The following WDR87 variants were observed in gnomAD, a reference collection of about 807,000 sequenced individuals.
WDR87 encodes the protein WD repeat domain 87.
A neutral mutation model predicts 83.3 loss-of-function variants in WDR87; 56 were observed. That is an observed-to-expected ratio of 0.67 (90% CI 0.54 to 0.84). WDR87 has a LOEUF of 0.84. Ranked by LOEUF, WDR87 falls within the 40% of genes least tolerant of loss-of-function variation. The probability of loss-of-function intolerance (pLI) is 0.00; values close to 1 mark genes in which losing one functional copy is unlikely to be tolerated. For synonymous variants in WDR87, 1,173 were observed against 1,250.6 expected (o/e 0.94, Z 1.31); for missense variants, 2,939 against 3,431.9 (o/e 0.86, Z 3.59).
chr19:37,888,609 C>A lies in WDR87; in HGVS notation c.5062G>T (p.Glu1688Ter). 1.9e-6 allele frequency: 3 copies of A among 1,552,030 alleles called. No individual in the cohort carries two copies. Among genetic ancestry groups the A allele is most frequent in the Non-Finnish European group, 2.6e-6 (3 of 1,147,088 alleles). ...QKEETLAQRGEKLSQEAEKLA... is the reference protein window; with the variant it reads ...QKEETLAQRG ...TTCTCCGCCTCCTGGCTTAGCTTCTCCCCTCTTTGGGCCAGTGTTTCCTCT... is the reference window on the plus strand; with the variant it reads ...TTCTCCGCCTCCTGGCTTAGCTTCTACCCTCTTTGGGCCAGTGTTTCCTCT... Residue 1688 changes from glutamate to a stop codon, truncating the protein, a stop_gained, in exon 6 of 6, where the codon GAG becomes TAG. Coordinates refer to ENST00000447313, the MANE Select transcript of WDR87 (RefSeq NM_001291088.2). LOFTEE classifies it low-confidence loss of function (END_TRUNC).
chr19:37,893,448 T>C lies in WDR87; in HGVS notation c.2255A>G (p.Glu752Gly). The change falls in exon 4 of 6, where the codon GAA (glutamate) becomes GGA (glycine). Residue 752 changes from glutamate to glycine, a missense_variant. By Grantham distance (98) the Glu-to-Gly change is moderately conservative. Transcript: ENST00000447313. ...TAACACTGGGCTCCCTTCCTCATCT[T>C]CTTCTATCACATGTGGCACAGAATG... ...FDHSVPHVIE[E>G]DEEGSPVLLR... 6.4e-7 allele frequency: 1 copy of C among 1,552,118 alleles called. No homozygotes were observed. The highest frequency in any genetic ancestry group is 8.7e-7 in the Non-Finnish European group (1 of 1,147,088).
rs891348362 is a variant in WDR87, at chr19:37,890,028, G to A, written c.3643C>T (p.Arg1215Cys). The change falls in exon 6 of 6, where the codon CGT becomes TGT. Residue 1215 changes from arginine to cysteine, a missense_variant. Physicochemically the swap from Arg to Cys is radical, Grantham distance 180. Transcript: ENST00000447313. ...ALTLKRLQKI[R>C]DKRDKKATAQ... ...GTTGCTTTCTTGTCTCTTTTGTCAC[G>A]TATTTTCTGCAGCCTCTTCAGGGTC... is the stretch of plus-strand genomic sequence containing the variant. 6.4e-6 allele frequency: 10 copies of A among 1,551,522 alleles called. No individual in the cohort carries two copies. Among genetic ancestry groups the A allele is most frequent in the Middle Eastern group, 1.7e-4 (1 of 5,994 alleles).
In WDR87 at chr19:37,893,803, C is replaced by T; in HGVS notation, c.1900G>A (p.Asp634Asn). The T allele has an allele frequency of 6.4e-7, 1 of 1,551,682 alleles. No individual in the cohort carries two copies. The highest frequency in any genetic ancestry group is 8.7e-7 in the Non-Finnish European group (1 of 1,147,004). The change falls in exon 4 of 6, where the codon GAC (aspartate) becomes AAC (asparagine). Residue 634 changes from aspartate to asparagine, a missense_variant. Asp to Asn is a conservative substitution (Grantham distance 23). Transcript: ENST00000447313. ...GSADGSVRIWDFHGRLIGILD... is the reference protein window; with the variant it reads ...GSADGSVRIWNFHGRLIGILD... The stretch of plus-strand genomic sequence containing the variant: ...ATGCCTATGAGTCTGCCATGGAAGT[C>T]CCAGATCCGAACAGAGCCATCGGCA...
At chr19:37,891,898 G>A in intron 4 of WDR87, 78 bp from the exon 5 acceptor site, 1 of 1,495,974 alleles carries the variant, frequency 6.7e-7, no homozygotes, top group South Asian at 1.3e-5. Context: ...AACGGTTGTG[G>A]AACAGGCAGG....
At chr19:37,902,158 A>G (rs1394452501) in intron 1 of WDR87, among the ~76,000 whole-genome samples, 3 of 152,074 alleles carry the variant, frequency 2.0e-5, no homozygotes, top group Admixed American at 2.0e-4. Flanking sequence ...GCAAGTTTGT[A>G]GTGAGCTCCA....
rs1599766388 is a variant in WDR87, at chr19:37,894,258, T to C, written c.1445A>G (p.Gln482Arg). 6.4e-7 allele frequency: 1 copy of C among 1,551,830 alleles called. No homozygotes were observed. Among genetic ancestry groups the C allele is most frequent in the East Asian group, 2.4e-5 (1 of 40,924 alleles). ...GGAGAGCACTCTTATCACACCACTC[T>C]GGTGCCCAGAGAATATCAGTCCCTC... ...GLEGLIFSGH[Q>R]SGVIRVLSQH... The change falls in exon 4 of 6, where the codon CAG becomes CGG. Residue 482 changes from glutamine (Q) to arginine (R), a missense_variant. By Grantham distance (43) the Gln-to-Arg change is conservative. This residue lies in a region of WDR87 where 553 missense variants were observed against 577.9 expected (regional missense o/e 0.96). Transcript: ENST00000447313.
Position 37,904,781 on chromosome 19 carries a change from G to C in WDR87, c.-47+1718C>G, listed in dbSNP as rs2046313459. Among the ~76,000 whole-genome samples the C allele has an allele frequency of 3.3e-5, 5 of 152,078 alleles. No homozygotes were observed. In the South Asian group the frequency reaches 8.3e-4, roughly 25 times the overall value. On this transcript the variant is annotated intron_variant, in intron 1 of 5. Transcript: ENST00000447313. The stretch of plus-strand genomic sequence containing the variant: ...ATTTCCCAACAGTTACTAGCTGCAG[G>C]GTATTCCACCGTGTGGCTGAACTAT...
Position 37,898,077 on chromosome 19 carries a change from G to A in WDR87, c.75+88C>T, listed in dbSNP as rs1052292403. The A allele has an allele frequency of 1.2e-5, 18 of 1,470,472 alleles. No individual in the cohort carries two copies. In the African/African-American group the frequency reaches 2.4e-4, roughly 19 times the overall value. The allele number at this position is 1,470,472 out of a possible 1,614,324, so 91.1% of individuals were successfully genotyped here. A position where few individuals can be genotyped will look rare whatever the true frequency, so the allele number is the denominator to read the frequency against. On this transcript the variant is annotated intron_variant, in intron 2 of 5. Transcript: ENST00000447313. ...ACCCTGTTTGCTTCCTGTTCTCAAG[G>A]ACAATCTGTGGCTCTTCTGAAATGC... is the stretch of plus-strand genomic sequence containing the variant.
rs1381264022 is a variant in WDR87 at position 37,887,190 on chromosome 19, CT to C, written c.6480del (p.Glu2161SerfsTer11). The C allele has an allele frequency of 2.6e-6, 4 of 1,551,702 alleles. No individual in the cohort carries two copies. The East Asian group carries it at 9.8e-5, about 38-fold the overall frequency. ...LSIEQSKLDI[K>X]EWDFSEKRSE... ...GATCGTTTTTCAGAAAAATCCCACT[CT>C]TTGATATCCAGCTTACTCTGTTCTA... On this transcript the variant is annotated frameshift_variant, in exon 6 of 6. Coordinates refer to ENST00000447313, the MANE Select transcript of WDR87 (RefSeq NM_001291088.2). LOFTEE classifies it low-confidence loss of function (END_TRUNC).
chr19:37,890,386 A>T, intron 5 of WDR87, 110 bp from the exon 6 acceptor site: 1 of 1,330,044 alleles, frequency 7.5e-7, no homozygotes, highest in East Asian at 2.6e-5. Context: ...AAGTAACAAC[A>T]GAGAGAACTG....
intron 1 of WDR87, among the ~76,000 whole-genome samples, chr19:37,900,962 CAAAAAAAA>C (rs878938966): frequency 2.6e-3 from 78 of 29,514 alleles, no homozygotes; most frequent in Non-Finnish European, 1.7e-3. Context: ...CCTGTCTCTA[CAAAAAAAA>C]AAAAAAAAAA....
chr19:37,903,156 T>G (rs930698434), intron 1 of WDR87, among the ~76,000 whole-genome samples: 2 of 152,090 alleles, frequency 1.3e-5, no homozygotes, highest in African/African-American at 4.8e-5. Context: ...ACCTTGCAGG[T>G]GGTCTCACAT....
chr19:37,900,730 G>T (rs1186495694), intron 1 of WDR87, among the ~76,000 whole-genome samples: 2 of 151,718 alleles, frequency 1.3e-5, no homozygotes, highest in South Asian at 4.2e-4. Flanking sequence ...CTCTTTCCAC[G>T]CTCCCCAGAC....
chr19:37,890,401 C>G, intron 5 of WDR87, 125 bp from the exon 6 acceptor site: 1 of 1,151,830 alleles, frequency 8.7e-7, no homozygotes, highest in Middle Eastern at 2.7e-4. Flanking sequence ...GAACTGAGGC[C>G]TTAAAAAAAA....
Position 37,894,707 on chromosome 19 carries a change from A to C in WDR87, c.996T>G (p.Phe332Leu). Residue 332 changes from phenylalanine (F) to leucine (L), a missense_variant, in exon 4 of 6, where the codon TTT becomes TTG. Phe to Leu is a conservative substitution (Grantham distance 22, BLOSUM62 0). Transcript: ENST00000447313. ...ELGEELYRLQFIDSITFFCQT... is the reference protein window; with the variant it reads ...ELGEELYRLQLIDSITFFCQT... ...GGCAGAAGAAAGTAATGCTGTCAAT[A>C]AACTGGAGCCGGTATAGCTCCTCAC... The C allele has an allele frequency of 6.4e-7, 1 of 1,551,760 alleles. No individual in the cohort carries two copies. The highest frequency in any genetic ancestry group is 8.7e-7 in the Non-Finnish European group (1 of 1,147,014).
At position 37,889,458 on chromosome 19, in the gene WDR87, T is replaced by C; in HGVS notation, c.4213A>G (p.Ile1405Val). The part of the protein sequence containing the change: ...DMLGLEETQV[I>V]LKKGKKVIFL... Reference sequence around the variant, plus strand: ...ATAACTTTCTTGCCCTTTTTCAAAATCACTTGGGTTTCCTCCAAGCCCAGC... The same window carrying C: ...ATAACTTTCTTGCCCTTTTTCAAAACCACTTGGGTTTCCTCCAAGCCCAGC... Residue 1405 changes from isoleucine (I) to valine (V), a missense_variant, in exon 6 of 6, where the codon ATT becomes GTT. Ile to Val is a conservative substitution (Grantham distance 29, BLOSUM62 3). Around this residue, in one of 3 missense-constraint regions of WDR87, gnomAD observed 2,160 missense variants for 2,533.1 expected, o/e 0.85. Coordinates refer to ENST00000447313, the MANE Select transcript of WDR87 (RefSeq NM_001291088.2). 3.9e-6 allele frequency: 6 copies of C among 1,551,832 alleles called. No homozygotes were observed. The highest frequency in any genetic ancestry group is 5.2e-6 in the Non-Finnish European group (6 of 1,147,016).
In WDR87 at chr19:37,894,687, AAG is replaced by A. The variant is rs1313910783; in HGVS notation, c.1014_1015del (p.Phe339LeufsTer6). On this transcript the variant is annotated frameshift_variant, in exon 4 of 6. Coordinates refer to ENST00000447313, the MANE Select transcript of WDR87 (RefSeq NM_001291088.2). LOFTEE classifies it high-confidence loss of function. ...GGAAAAACTATGGGCAGTTTGGCAG[AAG>A]AAAGTAATGCTGTCAATAAACTGGA... 7.1e-6 allele frequency: 11 copies of A among 1,551,662 alleles called. No individual in the cohort carries two copies. The highest frequency in any genetic ancestry group is 2.7e-5 in the African/African-American group (2 of 73,064).
intron 1 of WDR87, among the ~76,000 whole-genome samples, chr19:37,900,822 G>A (rs1285649428): frequency 1.3e-5 from 2 of 151,934 alleles, no homozygotes; most frequent in Non-Finnish European, 2.9e-5. Flanking sequence ...ATGCCTTTCA[G>A]GCTCTAGTTG....
At position 37,894,547 on chromosome 19, in the gene WDR87, C is replaced by T. The variant is rs1465158419; in HGVS notation, c.1156G>A (p.Asp386Asn). 12 of 1,551,712 alleles carry T rather than the reference C, an allele frequency of 7.7e-6. No individual in the cohort carries two copies. The highest frequency in any genetic ancestry group is 1.0e-5 in the Non-Finnish European group (12 of 1,146,992). Reference sequence around the variant, plus strand: ...GGGGACACAAAGCGCAACAAGCCATCCTCAGTGGTACACAGGATCCGGAAC... The same window carrying T: ...GGGGACACAAAGCGCAACAAGCCATTCTCAGTGGTACACAGGATCCGGAAC... ...NWFRILCTTEDGLLRFVSPVT... is the reference protein window; with the variant it reads ...NWFRILCTTENGLLRFVSPVT... The change falls in exon 4 of 6, where the codon GAT becomes AAT. Residue 386 changes from aspartate (D) to asparagine (N), a missense_variant. Coordinates refer to ENST00000447313, the MANE Select transcript of WDR87 (RefSeq NM_001291088.2).
Sources: allele counts gnomAD v4.1 joint callset (sites outside exome capture counted in the v4.1 genomes callset), GRCh38; gene constraint gnomAD v4.1.1; regional missense constraint gnomAD v4.1.1; transcripts MANE v1.5; gene names NCBI Gene and HGNC (gene_info 2026-07-23, HGNC 2026-07-21).